Variants in HDX observed in about 807,000 individuals in gnomAD.
HDX encodes the protein chromosome X open reading frame 43.
HDX carries 19 observed loss-of-function variants against 45.2 expected under a neutral mutation model. The observed-to-expected ratio is 0.42, with a 90% CI of 0.29 to 0.62. The LOEUF is 0.62. Among genes scored for constraint, HDX ranks in the 20% least tolerant of loss-of-function variants. The pLI is 0.20. For missense variants in HDX, 532 were observed against 493.9 expected, an observed-to-expected ratio of 1.08 and a Z score of -0.73; for synonymous variants, 188 against 172.8, an observed-to-expected ratio of 1.09 and a Z score of -0.69.
At chrX:84,437,431 C>T (rs1216100928) in intron 5 of HDX, among the ~76,000 whole-genome samples, 2 of 111,070 alleles carry the variant, frequency 1.8e-5, no homozygotes, top group African/African-American at 6.6e-5. Flanking sequence ...TCATGCTTGG[C>T]TTTTTAAAAA....
At chrX:84,323,192 T>C (rs2036634388) in intron 10 of HDX, among the ~76,000 whole-genome samples, 1 of 111,298 alleles carries the variant, frequency 9.0e-6, no homozygotes, top group African/African-American at 3.3e-5. Context: ...ATTTATTTTA[T>C]AAAATTGAAT....
chrX:84,371,672 T>G (rs2037898001), intron 5 of HDX, among the ~76,000 whole-genome samples: 1 of 111,996 alleles, frequency 8.9e-6, no homozygotes, highest in Non-Finnish European at 1.9e-5. Flanking sequence ...AGCTAGCATG[T>G]GGAAAAGGTC....
intron 4 of HDX, among the ~76,000 whole-genome samples, chrX:84,451,651 G>A (rs951908397): frequency 9.0e-6 from 1 of 110,833 alleles, no homozygotes; most frequent in Non-Finnish European, 1.9e-5. Context: ...TAAAATTGAA[G>A]AGGTGGGAAT....
Position 84,398,429 on chromosome X carries a change from C to A in HDX, c.1306-36817G>T, listed in dbSNP as rs900774442. 3.6e-5 allele frequency among the ~76,000 whole-genome samples: 4 copies of A among 111,550 alleles called. No individual in the cohort carries two copies. In the Admixed American group the frequency reaches 3.8e-4, roughly 11 times the overall value. On this transcript the variant is annotated intron_variant, in intron 5 of 10. Coordinates refer to ENST00000373177, the MANE Select transcript of HDX (RefSeq NM_001177479.2). ...AAAAAGCAGGGATTCCAATCCTAGT[C>A]TCTGACAAAACAGACTTTAAACCAA...
At chrX:84,485,254 C>A (rs181158690) in intron 2 of HDX, among the ~76,000 whole-genome samples, 113 of 111,823 alleles carry the variant, frequency 1.0e-3, no homozygotes, top group African/African-American at 3.5e-3. Context: ...TCAATTAGGT[C>A]ATGTTGTTTG....
intron 5 of HDX, among the ~76,000 whole-genome samples, chrX:84,387,039 C>T (rs954898056): frequency 1.1e-4 from 12 of 110,806 alleles, no homozygotes; most frequent in African/African-American, 3.9e-4. Flanking sequence ...AAGTTGTGTT[C>T]CTATTTTCAT....
chrX:84,461,917 G>A (rs1175390349), intron 4 of HDX, among the ~76,000 whole-genome samples: 1 of 112,080 alleles, frequency 8.9e-6, no homozygotes, highest in Non-Finnish European at 1.9e-5. Flanking sequence ...ATATGAAAAG[G>A]TTCTCCACAT....
intron 4 of HDX, among the ~76,000 whole-genome samples, chrX:84,466,748 T>G (rs1248218661): frequency 8.9e-6 from 1 of 111,815 alleles, no homozygotes; most frequent in East Asian, 2.8e-4. Context: ...GAAATAGTTA[T>G]GCTGTATGGT....
At chrX:84,368,004 A>G (rs2037802944) in intron 5 of HDX, among the ~76,000 whole-genome samples, 2 of 112,069 alleles carry the variant, frequency 1.8e-5, no homozygotes, top group Non-Finnish European at 3.8e-5. Context: ...TATAATTTAA[A>G]CATTAAATAA....
intron 5 of HDX, among the ~76,000 whole-genome samples, chrX:84,437,237 G>A (rs1602455213): frequency 9.0e-6 from 1 of 110,969 alleles, no homozygotes; most frequent in African/African-American, 3.3e-5. Flanking sequence ...TAGTAATAAA[G>A]GTAATAATTT....
At chrX:84,481,926 A>G (rs2040688602) in intron 2 of HDX, among the ~76,000 whole-genome samples, 1 of 111,155 alleles carries the variant, frequency 9.0e-6, no homozygotes, top group African/African-American at 3.3e-5. Flanking sequence ...GTCCATATGT[A>G]CCCATTGTTT....
Position 84,470,368 on chromosome X carries a change from C to T in HDX, c.148-793G>A, listed in dbSNP as rs539301194. ...GTTAATAAAAAGTGTATAATTGCTG[C>T]TTTGACATGAATTTCTATGGTTACA... On this transcript the variant is annotated intron_variant, in intron 3 of 10. Coordinates refer to ENST00000373177, the MANE Select transcript of HDX (RefSeq NM_001177479.2). 5.4e-5 allele frequency among the ~76,000 whole-genome samples: 6 copies of T among 111,657 alleles called. No individual in the cohort carries two copies. In the South Asian group the frequency reaches 2.2e-3, roughly 42 times the overall value.
chrX:84,424,446 A>G (rs1015982738), intron 5 of HDX, among the ~76,000 whole-genome samples: 15 of 103,493 alleles, frequency 1.4e-4, no homozygotes, highest in African/African-American at 5.0e-4. Flanking sequence ...CCTCACAGAA[A>G]TTTAAAAAAA....
intron 6 of HDX, among the ~76,000 whole-genome samples, chrX:84,345,685 TAA>T (rs749494124): frequency 4.4e-4 from 49 of 111,850 alleles, no homozygotes; most frequent in African/African-American, 1.3e-3. Context: ...GGTTATATGT[TAA>T]GTTTTATAAG....
In HDX at chrX:84,371,049, C is replaced by T. The variant is rs185069784; in HGVS notation, c.1306-9437G>A. The stretch of plus-strand genomic sequence containing the variant: ...TATGTACAACACTTCTATTCTCCAG[C>T]AACAAACATTTAAAGCCAGAAATAG... On this transcript the variant is annotated intron_variant, in intron 5 of 10. Coordinates refer to ENST00000373177, the MANE Select transcript of HDX (RefSeq NM_001177479.2). Among the ~76,000 whole-genome samples, 5 of 112,112 alleles carry T rather than the reference C, an allele frequency of 4.5e-5. No homozygotes were observed. In the East Asian group the frequency reaches 1.4e-3, roughly 32 times the overall value.
intron 5 of HDX, among the ~76,000 whole-genome samples, chrX:84,388,125 C>T (rs2038361493): frequency 8.9e-6 from 1 of 111,806 alleles, no homozygotes; most frequent in African/African-American, 3.3e-5. Context: ...TAAAAATAGG[C>T]CCTCAATATC....
chrX:84,410,921 C>A (rs1446136859), intron 5 of HDX, among the ~76,000 whole-genome samples: 1 of 110,160 alleles, frequency 9.1e-6, no homozygotes, highest in Non-Finnish European at 1.9e-5. Flanking sequence ...AGAAATTTAT[C>A]CATTTTTTCT....
intron 6 of HDX, among the ~76,000 whole-genome samples, chrX:84,354,928 C>CAT (rs1362016065): frequency 1.6e-3 from 35 of 21,351 alleles, no homozygotes; most frequent in South Asian, 3.4e-3. Context: ...TACACACACA[C>CAT]ACATATATAT....
intron 2 of HDX, among the ~76,000 whole-genome samples, chrX:84,477,748 G>A (rs1348181775): frequency 1.8e-5 from 2 of 111,914 alleles, no homozygotes; most frequent in East Asian, 5.6e-4. Flanking sequence ...CAAAAATAGA[G>A]TTTTTAAAAT....
Sources: allele counts gnomAD v4.1 joint callset (sites outside exome capture counted in the v4.1 genomes callset), GRCh38; gene constraint gnomAD v4.1.1; transcripts MANE v1.5; gene names NCBI Gene and HGNC (gene_info 2026-07-23, HGNC 2026-07-21).